The following DRAM1 variants were observed in gnomAD, a reference collection of about 807,000 sequenced individuals.
DRAM1 encodes the protein DNA damage regulated autophagy modulator 1, also known as DNA damage-regulated autophagy modulator protein 1.
In DRAM1, 25 loss-of-function variants were observed where a neutral mutation model predicts 28.5. That is an observed-to-expected ratio of 0.88 (90% CI 0.64 to 1.23). DRAM1 has a LOEUF of 1.23. Among genes scored for constraint, DRAM1 ranks in the 50% most tolerant of loss-of-function variants. DRAM1 has a pLI of 0.00. For synonymous variants in DRAM1, 113 were observed against 114.2 expected (o/e 0.99, Z 0.07); for missense variants, 249 against 299.2 (o/e 0.83, Z 1.24).
chr12:101,889,794 G>T (rs890870098), intron 1 of DRAM1, among the ~76,000 whole-genome samples: 1 of 151,892 alleles, frequency 6.6e-6, no homozygotes, highest in African/African-American at 2.4e-5. Context: ...ACAAAAATTA[G>T]CCATGCATGG....
intron 1 of DRAM1, among the ~76,000 whole-genome samples, chr12:101,881,962 C>T (rs1360771053): frequency 6.6e-6 from 1 of 152,162 alleles, no homozygotes; most frequent in Non-Finnish European, 1.5e-5. Flanking sequence ...TTCTTGGGTA[C>T]TCACTCTTTA....
intron 3 of DRAM1, among the ~76,000 whole-genome samples, chr12:101,905,980 C>T (rs1221623265): frequency 2.0e-5 from 3 of 151,640 alleles, no homozygotes; most frequent in Non-Finnish European, 2.9e-5. Flanking sequence ...AGTAGATACG[C>T]GGTTTCACCA....
In DRAM1 at chr12:101,887,794, C is replaced by T. The variant is rs183144270; in HGVS notation, c.131+9874C>T. Among the ~76,000 whole-genome samples, 390 of 152,162 alleles carry T rather than the reference C, an allele frequency of 2.6e-3. 1 individual carries two copies. Among genetic ancestry groups the T allele is most frequent in the Non-Finnish European group, 4.2e-3 (286 of 68,008 alleles). On this transcript the variant is annotated intron_variant, in intron 1 of 6. Transcript: ENST00000258534. Reference sequence around the variant, plus strand: ...CCTCAAGTGATCTGCCTGCCTTGGCCTCCCAAAGTCCTGAGATTACAGGCA... The same window carrying T: ...CCTCAAGTGATCTGCCTGCCTTGGCTTCCCAAAGTCCTGAGATTACAGGCA...
intron 3 of DRAM1, among the ~76,000 whole-genome samples, chr12:101,904,411 T>C (rs909968294): frequency 7.9e-6 from 1 of 126,748 alleles, no homozygotes; most frequent in Non-Finnish European, 1.6e-5. Context: ...TGAAGCTGAG[T>C]GATAGAGCTT....
intron 5 of DRAM1, 52 bp from the exon 6 acceptor site, chr12:101,920,057 C>T (rs1874418532): frequency 2.3e-6 from 3 of 1,315,122 alleles, no homozygotes; most frequent in African/African-American, 2.9e-5. Flanking sequence ...TCAGTATGTA[C>T]ATTAAAGTGA....
intron 4 of DRAM1, among the ~76,000 whole-genome samples, chr12:101,909,249 G>A (rs995479858): frequency 6.7e-5 from 9 of 134,810 alleles, no homozygotes; most frequent in Non-Finnish European, 9.7e-5. Flanking sequence ...CAACAAGAGT[G>A]AAACTCCGTC....
intron 1 of DRAM1, among the ~76,000 whole-genome samples, chr12:101,897,383 A>G (rs1397680496): frequency 6.6e-6 from 1 of 151,200 alleles, no homozygotes; most frequent in Non-Finnish European, 1.5e-5. Context: ...TATTTTTAGT[A>G]GAGATGGGGG....
chr12:101,909,543 AG>A (rs772961351), intron 4 of DRAM1, among the ~76,000 whole-genome samples: 4 of 152,182 alleles, frequency 2.6e-5, no homozygotes, highest in African/African-American at 4.8e-5. Flanking sequence ...TGCACGTCGT[AG>A]GTGGCAAGAC....
intron 1 of DRAM1, among the ~76,000 whole-genome samples, chr12:101,882,800 T>TAC (rs1412045909): frequency 4.0e-5 from 6 of 148,152 alleles, no homozygotes; most frequent in Non-Finnish European, 7.4e-5. Context: ...AAATGACAGA[T>TAC]ACACACACAC....
At chr12:101,890,938 ACGGG>A (rs1873101878) in intron 1 of DRAM1, among the ~76,000 whole-genome samples, 1 of 151,792 alleles carries the variant, frequency 6.6e-6, no homozygotes, top group South Asian at 2.1e-4. Flanking sequence ...TTTAATAGAG[ACGGG>A]GTTTCACCAT....
At chr12:101,889,776 C>A (rs1379516602) in intron 1 of DRAM1, among the ~76,000 whole-genome samples, 1 of 151,852 alleles carries the variant, frequency 6.6e-6, no homozygotes, top group East Asian at 1.9e-4. Flanking sequence ...CCCATCTCTA[C>A]TAAAAATACA....
intron 6 of DRAM1, among the ~76,000 whole-genome samples, chr12:101,920,561 T>C (rs545423323): frequency 6.6e-6 from 1 of 152,190 alleles, no homozygotes; most frequent in Non-Finnish European, 1.5e-5. Context: ...GGTTGTTTTC[T>C]TTTAGGAGGT....
At chr12:101,912,081 C>A (rs1292906294) in intron 4 of DRAM1, among the ~76,000 whole-genome samples, 1 of 152,120 alleles carries the variant, frequency 6.6e-6, no homozygotes, top group Non-Finnish European at 1.5e-5. Context: ...CACCTGTAAT[C>A]CCAGCTGCTG....
intron 4 of DRAM1, among the ~76,000 whole-genome samples, chr12:101,909,427 A>G (rs1374754490): frequency 6.6e-6 from 1 of 152,134 alleles, no homozygotes; most frequent in Non-Finnish European, 1.5e-5. Flanking sequence ...GCCATATGAA[A>G]ATATTTATTT....
intron 5 of DRAM1, among the ~76,000 whole-genome samples, chr12:101,914,905 G>A (rs970474760): frequency 5.9e-5 from 9 of 151,648 alleles, no homozygotes; most frequent in Non-Finnish European, 1.2e-4. Flanking sequence ...TGATCCCCCC[G>A]TCTCGGCCTC....
At chr12:101,898,591 G>A (rs1017216083) in intron 2 of DRAM1, among the ~76,000 whole-genome samples, 2 of 152,200 alleles carry the variant, frequency 1.3e-5, no homozygotes, top group African/African-American at 4.8e-5. Context: ...GTTTCTCAAA[G>A]TGTATTCTGA....
chr12:101,877,918 C>T lies in DRAM1; in HGVS notation c.129C>T (p.Ile43=). The T allele has an allele frequency of 6.5e-7, 1 of 1,533,240 alleles. No homozygotes were observed. Among genetic ancestry groups the T allele is most frequent in the Non-Finnish European group, 8.8e-7 (1 of 1,136,144 alleles). The allele number at this position is 1,533,240 out of a possible 1,614,324, so 95.0% of individuals were successfully genotyped here. Residue 43 remains isoleucine (I), a splice_region_variant and synonymous_variant, in exon 1 of 7, where the codon ATC becomes ATT. Transcript: ENST00000258534. The surrounding 1 kb of genome is among the most constrained non-coding windows in gnomAD (Gnocchi z 4.1). ...SGHVNPFLPY[I]SDTGTTPPES... ...ACGTCAACCCCTTCCTCCCGTATAT[C>T]AGGTGAGTGGCAGGGTGGGCGTCAG...
At chr12:101,900,729 G>A (rs779888862) in intron 2 of DRAM1, among the ~76,000 whole-genome samples, 7 of 152,126 alleles carry the variant, frequency 4.6e-5, no homozygotes, top group Non-Finnish European at 1.0e-4. Flanking sequence ...TCAACGGGCT[G>A]GAGCAATTTG....
In DRAM1 at chr12:101,908,348, G is replaced by T. The variant is rs749800547; in HGVS notation, c.505G>T (p.Ala169Ser). The change falls in exon 4 of 7, where the codon GCA becomes TCA. Residue 169 changes from alanine (A) to serine (S), a missense_variant. Physicochemically the swap from Ala to Ser is moderately conservative, Grantham distance 99. Coordinates refer to ENST00000258534, the MANE Select transcript of DRAM1 (RefSeq NM_018370.3). ...IRMVISAVSCAAVIPMIVCAS... is the reference protein window; with the variant it reads ...IRMVISAVSCSAVIPMIVCAS... ...GATGGTCATCTCTGCCGTTTCTTGC[G>T]CAGCTGTCATCCCCAGTATCCTTTT... 1 of 1,609,880 alleles carries T rather than the reference G, an allele frequency of 6.2e-7. No individual in the cohort carries two copies. The highest frequency in any genetic ancestry group is 1.3e-5 in the African/African-American group (1 of 74,786).
Sources: allele counts gnomAD v4.1 joint callset (sites outside exome capture counted in the v4.1 genomes callset), GRCh38; gene constraint gnomAD v4.1.1; non-coding constraint Gnocchi (gnomAD v3.1); transcripts MANE v1.5; gene names NCBI Gene and HGNC (gene_info 2026-07-23, HGNC 2026-07-21).